Variants in NCKAP5 observed in about 807,000 individuals in gnomAD.
NCKAP5 encodes NCK associated protein 5.
NCKAP5 carries 92 observed loss-of-function variants against 167.0 expected under a neutral mutation model. The observed-to-expected ratio is 0.55, with a 90% CI of 0.47 to 0.66. The LOEUF is 0.66. Among genes scored for constraint, NCKAP5 ranks in the 30% least tolerant of loss-of-function variants. NCKAP5 has a pLI of 0.00. For synonymous variants in NCKAP5, 891 were observed against 877.4 expected, an observed-to-expected ratio of 1.02 and a Z score of -0.27; for missense variants, 2,378 against 2,315.0, an observed-to-expected ratio of 1.03 and a Z score of -0.56.
chr2:133,565,275 G>A (rs572807283), intron 1 of NCKAP5, among the ~76,000 whole-genome samples: 6 of 152,290 alleles, frequency 3.9e-5, no homozygotes, highest in African/African-American at 9.6e-5. Context: ...CACCTTAGAG[G>A]TCATGATTCA....
chr2:133,297,459 A>G (rs1044362740), intron 4 of NCKAP5, among the ~76,000 whole-genome samples: 9 of 152,148 alleles, frequency 5.9e-5, no homozygotes, highest in African/African-American at 2.2e-4. Context: ...TTATAGGTCT[A>G]TTTCAACAGA....
intron 8 of NCKAP5, among the ~76,000 whole-genome samples, chr2:132,937,376 A>T (rs1427435377): frequency 6.6e-6 from 1 of 152,234 alleles, no homozygotes. Flanking sequence ...CATTCATATT[A>T]AAAACATTTA....
chr2:132,883,101 T>C lies in NCKAP5; in HGVS notation c.580-4185A>G, dbSNP rs542897677. Among the ~76,000 whole-genome samples the C allele has an allele frequency of 2.7e-4, 41 of 150,880 alleles. No individual in the cohort carries two copies. In the South Asian group the frequency reaches 8.0e-3, roughly 29 times the overall value. On this transcript the variant is annotated intron_variant, in intron 8 of 19. Transcript: ENST00000409261. The stretch of plus-strand genomic sequence containing the variant: ...CATAGAGTCCCAGCTACTAAGGAGG[T>C]TGAGTTTGGAGGATTGCTTGAGCCC...
intron 8 of NCKAP5, among the ~76,000 whole-genome samples, chr2:132,917,297 A>G (rs1574621859): frequency 6.6e-6 from 1 of 152,196 alleles, no homozygotes; most frequent in African/African-American, 2.4e-5. Flanking sequence ...ATGATTTTTA[A>G]AAAACTTTAA....
chr2:132,886,131 T>C (rs1692199003), intron 8 of NCKAP5, among the ~76,000 whole-genome samples: 1 of 151,768 alleles, frequency 6.6e-6, no homozygotes, highest in African/African-American at 2.4e-5. Context: ...CTGGCTCAGA[T>C]GTGGACTTGA....
chr2:133,111,433 G>C (rs2081907971), intron 6 of NCKAP5, among the ~76,000 whole-genome samples: 1 of 152,192 alleles, frequency 6.6e-6, no homozygotes, highest in South Asian at 2.1e-4. Flanking sequence ...AACCAATGGA[G>C]AGATACAAGA....
At chr2:132,864,438 A>G (rs757500801) in intron 10 of NCKAP5, among the ~76,000 whole-genome samples, 1 of 152,162 alleles carries the variant, frequency 6.6e-6, no homozygotes, top group Non-Finnish European at 1.5e-5. Flanking sequence ...TATCAATTGG[A>G]AACAGAGACT....
At chr2:133,128,499 G>T (rs71413534) in intron 6 of NCKAP5, among the ~76,000 whole-genome samples, 10 of 152,012 alleles carry the variant, frequency 6.6e-5, no homozygotes, top group Non-Finnish European at 1.2e-4. Context: ...ATTGGAAACT[G>T]AAAGATTCCA....
intron 3 of NCKAP5, among the ~76,000 whole-genome samples, chr2:133,472,529 C>G (rs574055698): frequency 6.6e-6 from 1 of 152,074 alleles, no homozygotes; most frequent in South Asian, 2.1e-4. Context: ...GGTTGGGGTT[C>G]TCTTGGGTTT....
intron 6 of NCKAP5, among the ~76,000 whole-genome samples, chr2:133,021,701 A>G (rs1821868): frequency 0.64 from 97,040 of 152,144 alleles, 31,747 homozygotes; most frequent in African/African-American, 0.77. Flanking sequence ...GCTCAGTCTC[A>G]GTTCACTACA....
intron 2 of NCKAP5, among the ~76,000 whole-genome samples, chr2:133,550,075 T>A (rs1421989741): frequency 6.6e-6 from 1 of 151,320 alleles, no homozygotes; most frequent in Admixed American, 6.6e-5. Context: ...AATAGACCAA[T>A]AACAGGAGCT....
At chr2:133,503,736 C>T (rs1372674218) in intron 3 of NCKAP5, among the ~76,000 whole-genome samples, 1 of 152,192 alleles carries the variant, frequency 6.6e-6, no homozygotes, top group Admixed American at 6.5e-5. Context: ...TAAGACTCAT[C>T]CTACTTAATT....
intron 3 of NCKAP5, among the ~76,000 whole-genome samples, chr2:133,321,346 C>T (rs1682039388): frequency 1.3e-5 from 2 of 152,298 alleles, no homozygotes; most frequent in Non-Finnish European, 2.9e-5. Flanking sequence ...CACACCGGAT[C>T]ATTGTGGAGG....
intron 6 of NCKAP5, among the ~76,000 whole-genome samples, chr2:133,044,647 C>T (rs1018462472): frequency 1.3e-5 from 2 of 152,114 alleles, no homozygotes; most frequent in African/African-American, 4.8e-5. Context: ...TCGGTGCAAC[C>T]ATTCTGGAGA....
intron 3 of NCKAP5, among the ~76,000 whole-genome samples, chr2:133,407,184 T>C (rs993218773): frequency 6.6e-6 from 1 of 152,190 alleles, no homozygotes; most frequent in Non-Finnish European, 1.5e-5. Context: ...CGTCTTAACT[T>C]GCAAGGGAGG....
chr2:133,622,816 TG>T, the NCKAP5 span, among the ~76,000 whole-genome samples: 1 of 152,090 alleles, frequency 6.6e-6, no homozygotes, highest in East Asian at 1.9e-4. Flanking sequence ...AATATTCATA[TG>T]GAATCAAAAA....
rs183414391 is a variant in NCKAP5 at position 133,224,970 on chromosome 2, G to C, written c.144-11191C>G. On this transcript the variant is annotated intron_variant, in intron 4 of 19. Transcript: ENST00000409261. The stretch of plus-strand genomic sequence containing the variant: ...AGGTTTCTGAATGGGTATTCCTTAT[G>C]TTGCCACGCTCTCTAAGAAACTTGG... Among the ~76,000 whole-genome samples, 18 of 152,150 alleles carry C rather than the reference G, an allele frequency of 1.2e-4. 1 individual carries two copies. The highest frequency in any genetic ancestry group is 1.2e-3 in the Admixed American group (18 of 15,284).
At position 133,538,931 on chromosome 2, in the gene NCKAP5, G is replaced by GTTTTTTTTTTTTTTTTTTTT; in HGVS notation, c.-62+20099_-62+20118dup. The stretch of plus-strand genomic sequence containing the variant: ...TGGTTTTTTTTTGTGGTTTTTTTGG[G>GTTTTTTTTTTTTTTTTTTTT]TTTTTTTTTTTTTTTTTTTTTTTTT... On this transcript the variant is annotated intron_variant, in intron 2 of 19. Coordinates refer to ENST00000409261, the MANE Select transcript of NCKAP5 (RefSeq NM_207363.3). Among the ~76,000 whole-genome samples, 2 of 108,586 alleles carry GTTTTTTTTTTTTTTTTTTTT rather than the reference G, an allele frequency of 1.8e-5. 1 individual carries two copies. Among genetic ancestry groups the GTTTTTTTTTTTTTTTTTTTT allele is most frequent in the African/African-American group, 8.0e-5 (2 of 24,944 alleles). The allele number at this position is 108,586 out of a possible 152,430, so 71.2% of individuals were successfully genotyped here. A position where few individuals can be genotyped will look rare whatever the true frequency, so the allele number is the denominator to read the frequency against.
chr2:132,771,927 G>A lies in NCKAP5; in HGVS notation c.5128+1889C>T, dbSNP rs140059881. 4.5e-3 allele frequency among the ~76,000 whole-genome samples: 654 copies of A among 145,146 alleles called. 4 individuals carry two copies. The highest frequency in any genetic ancestry group is 7.9e-3 in the Non-Finnish European group (530 of 67,316). ...AGAATGGTCTCAATCTCCTGACCTC[G>A]TGATCCACCTGCCTTGGCCTCCCAA... On this transcript the variant is annotated intron_variant, in intron 16 of 19. Coordinates refer to ENST00000409261, the MANE Select transcript of NCKAP5 (RefSeq NM_207363.3).
Sources: allele counts gnomAD v4.1 joint callset (sites outside exome capture counted in the v4.1 genomes callset), GRCh38; gene constraint gnomAD v4.1.1; transcripts MANE v1.5; gene names NCBI Gene and HGNC (gene_info 2026-07-23, HGNC 2026-07-21).